The following PAQR5 variants were observed in gnomAD, a reference collection of about 807,000 sequenced individuals.
PAQR5 encodes progestin and adipoQ receptor family member 5, also known as membrane progestin receptor gamma.
Under a neutral mutation model 34.5 loss-of-function variants are expected in PAQR5, and 20 were observed. That is an observed-to-expected ratio of 0.58 (90% CI 0.41 to 0.84). The LOEUF (loss-of-function observed/expected upper bound fraction) is 0.84. Ranked by LOEUF, PAQR5 falls within the 40% of genes least tolerant of loss-of-function variation. The pLI is 0.00. For synonymous variants in PAQR5, 131 were observed against 155.6 expected, an observed-to-expected ratio of 0.84 and a Z score of 1.18; for missense variants, 378 against 412.7, an observed-to-expected ratio of 0.92 and a Z score of 0.73.
At chr15:69,377,582 C>T (rs1003912843) in intron 3 of PAQR5, among the ~76,000 whole-genome samples, 3 of 152,170 alleles carry the variant, frequency 2.0e-5, no homozygotes, top group Admixed American at 1.3e-4. Flanking sequence ...GCAGTTCAAC[C>T]CAGAACTGAA....
At chr15:69,361,797 A>G (rs565295299) in intron 3 of PAQR5, among the ~76,000 whole-genome samples, 1 of 152,306 alleles carries the variant, frequency 6.6e-6, no homozygotes, top group African/African-American at 2.4e-5. Context: ...GAATGGGGAC[A>G]CAGAGCCAAA....
intron 3 of PAQR5, among the ~76,000 whole-genome samples, chr15:69,378,961 C>T (rs1437206715): frequency 6.6e-6 from 1 of 152,102 alleles, no homozygotes; most frequent in Non-Finnish European, 1.5e-5. Context: ...AAATTGAGAA[C>T]CCTTGGTCTA....
At chr15:69,391,705 G>A (rs1260976030) in intron 6 of PAQR5, 7 of 455,896 alleles carry the variant, frequency 1.5e-5, no homozygotes, top group Non-Finnish European at 3.1e-5. Context: ...GACAGGGAGA[G>A]TACCACAGGT....
chr15:69,405,067 C>T lies in PAQR5; in HGVS notation c.*1245C>T, dbSNP rs1203376266. 8 of 398,412 alleles carry T rather than the reference C, an allele frequency of 2.0e-5. No individual in the cohort carries two copies. Among genetic ancestry groups the T allele is most frequent in the South Asian group, 1.3e-4 (1 of 7,858 alleles). The allele number at this position is 398,412 out of a possible 1,614,324, so 24.7% of individuals were successfully genotyped here. ...GGCGTAACCTCATTTTATGTTCCAGCGTTTTCTACTCTGAATAGTTCTAAA... is the reference window on the plus strand; with the variant it reads ...GGCGTAACCTCATTTTATGTTCCAGTGTTTTCTACTCTGAATAGTTCTAAA... On this transcript the variant is annotated 3_prime_UTR_variant, in exon 9 of 9. Transcript: ENST00000395407.
Position 69,404,861 on chromosome 15 carries a change from C to T in PAQR5, c.*1039C>T, listed in dbSNP as rs1326924212. 2.5e-6 allele frequency: 1 copy of T among 398,052 alleles called. No homozygotes were observed. The highest frequency in any genetic ancestry group is 4.4e-6 in the Non-Finnish European group (1 of 225,928). 24.7% of individuals were successfully genotyped at this position (398,052 alleles called of 1,614,324 possible). ...TAGGGAAAACCAGGGGGTTCTGCTTCACTAGGTTAAATGTAGGTTTTGTAG... is the reference window on the plus strand; with the variant it reads ...TAGGGAAAACCAGGGGGTTCTGCTTTACTAGGTTAAATGTAGGTTTTGTAG... On this transcript the variant is annotated 3_prime_UTR_variant, in exon 9 of 9. Transcript: ENST00000395407.
rs116376509 is a variant in PAQR5, at chr15:69,403,815, A to G, written c.986A>G (p.Glu329Gly). 3.2e-5 allele frequency: 52 copies of G among 1,613,794 alleles called. No homozygotes were observed. In the East Asian group the frequency reaches 1.2e-3, roughly 36 times the overall value. The change falls in exon 9 of 9, where the codon GAA (glutamate) becomes GGA (glycine). Residue 329 changes from glutamate (E) to glycine (G), a missense_variant. Glu to Gly is a moderately conservative substitution (Grantham distance 98, BLOSUM62 -2). Transcript: ENST00000395407. ...RIPKPELHKKET is the reference protein window; with the variant it reads ...RIPKPELHKKGT ...CCCAAGCCAGAATTACATAAAAAAG[A>G]AACATGACTCAGACCATAAGCTTTT...
intron 2 of PAQR5, among the ~76,000 whole-genome samples, chr15:69,353,347 T>G (rs2054975471): frequency 6.6e-6 from 1 of 152,248 alleles, no homozygotes; most frequent in Admixed American, 6.5e-5. Flanking sequence ...GTGATACTTC[T>G]GTCAAAACTA....
At chr15:69,312,393 A>C (rs932813689) in intron 1 of PAQR5, among the ~76,000 whole-genome samples, 1 of 152,070 alleles carries the variant, frequency 6.6e-6, no homozygotes. Flanking sequence ...ATTAGGTCCA[A>C]CTTGACTGTT....
intron 2 of PAQR5, among the ~76,000 whole-genome samples, chr15:69,346,174 C>T (rs773331765): frequency 3.3e-5 from 5 of 151,310 alleles, no homozygotes; most frequent in East Asian, 1.9e-4. Flanking sequence ...TGGATTATGA[C>T]GGAAAGAAGC....
chr15:69,318,721 T>C (rs183484214), intron 1 of PAQR5, among the ~76,000 whole-genome samples: 1 of 152,208 alleles, frequency 6.6e-6, no homozygotes. Flanking sequence ...CTAAACCTGG[T>C]ATATACTATG....
rs1019519410 is a variant in PAQR5 at position 69,397,758 on chromosome 15, T to A, written c.609+194T>A. ...CAGGTGGGACGAGAGACTGAGAAAA[T>A]AAATAAGAAGATTTTTCTTAGTACA... On this transcript the variant is annotated intron_variant, in intron 7 of 8. Transcript: ENST00000395407. 1.2e-5 allele frequency: 7 copies of A among 604,374 alleles called. No individual in the cohort carries two copies. The African/African-American group carries it at 1.3e-4, about 11-fold the overall frequency. 37.4% of individuals were successfully genotyped at this position (604,374 alleles called of 1,614,324 possible). A position where few individuals can be genotyped will look rare whatever the true frequency, so the allele number is the denominator to read the frequency against.
intron 5 of PAQR5, among the ~76,000 whole-genome samples, chr15:69,387,034 G>C (rs2056131355): frequency 6.6e-6 from 1 of 151,800 alleles, no homozygotes; most frequent in African/African-American, 2.4e-5. Flanking sequence ...CCTACCTGCT[G>C]TAAGCGGCAC....
At position 69,384,850 on chromosome 15, in the gene PAQR5, T is replaced by C; in HGVS notation, c.353T>C (p.Leu118Pro). ...SKNARHICYF[L>P]DYGAVNLFSL... ...AATGCCCGGCACATTTGCTACTTCC[T>C]GGACTATGGTGCCGTCAACCTCTTC... The change falls in exon 5 of 9, where the codon CTG becomes CCG. Residue 118 changes from leucine to proline, a missense_variant. Coordinates refer to ENST00000395407, the MANE Select transcript of PAQR5 (RefSeq NM_017705.4). The C allele has an allele frequency of 6.2e-7, 1 of 1,614,068 alleles. No homozygotes were observed. The highest frequency in any genetic ancestry group is 8.5e-7 in the Non-Finnish European group (1 of 1,179,964).
Position 69,385,014 on chromosome 15 carries a change from C to A in PAQR5, c.385+132C>A. On this transcript the variant is annotated intron_variant, in intron 5 of 8. Coordinates refer to ENST00000395407, the MANE Select transcript of PAQR5 (RefSeq NM_017705.4). This position sits in a 1 kb window ranked among gnomAD's most constrained non-coding sequence, Gnocchi z 4.7. ...CCAGGGATTATGCCAGTGCCCCTGT[C>A]CAGGTTCCCAATGGGTGTTTTATAA... 1 of 656,510 alleles carries A rather than the reference C, an allele frequency of 1.5e-6. No homozygotes were observed. The highest frequency in any genetic ancestry group is 2.7e-6 in the Non-Finnish European group (1 of 374,272). The allele number at this position is 656,510 out of a possible 1,614,324, so 40.7% of individuals were successfully genotyped here. A position where few individuals can be genotyped will look rare whatever the true frequency, so the allele number is the denominator to read the frequency against.
intron 1 of PAQR5, among the ~76,000 whole-genome samples, chr15:69,300,589 CCTT>C (rs2053516444): frequency 1.6e-5 from 1 of 63,794 alleles, no homozygotes; most frequent in Non-Finnish European, 3.7e-5. Context: ...TTCTTTCTTT[CCTT>C]CTTTCTTTCT....
intron 8 of PAQR5, among the ~76,000 whole-genome samples, chr15:69,403,049 T>C (rs113441433): frequency 6.6e-6 from 1 of 152,220 alleles, no homozygotes; most frequent in African/African-American, 2.4e-5. Flanking sequence ...CAACAGAAAA[T>C]TCAGCCAGCT....
chr15:69,404,129 T>C lies in PAQR5; in HGVS notation c.*307T>C. The C allele has an allele frequency of 3.4e-6, 1 of 297,452 alleles. No individual in the cohort carries two copies. The highest frequency in any genetic ancestry group is 6.4e-6 in the Non-Finnish European group (1 of 157,436). 18.4% of individuals were successfully genotyped at this position (297,452 alleles called of 1,614,324 possible). A position where few individuals can be genotyped will look rare whatever the true frequency, so the allele number is the denominator to read the frequency against. The stretch of plus-strand genomic sequence containing the variant: ...TTTAAATTCTATTTAAACATTTGGA[T>C]TAAGCATATTACTCTGGAGCTTTGT... On this transcript the variant is annotated 3_prime_UTR_variant, in exon 9 of 9. Transcript: ENST00000395407.
chr15:69,317,484 T>C (rs2053981822), intron 1 of PAQR5, among the ~76,000 whole-genome samples: 1 of 152,152 alleles, frequency 6.6e-6, no homozygotes, highest in South Asian at 2.1e-4. Flanking sequence ...GCAGCCTTCT[T>C]CCCTCTGCCA....
At chr15:69,304,621 T>A (rs34776089) in intron 1 of PAQR5, among the ~76,000 whole-genome samples, 70,053 of 151,880 alleles carry the variant, frequency 0.46, 18,938 homozygotes, top group Middle Eastern at 0.62. Context: ...TTACACAGTC[T>A]TCCTCTCTTC....
Sources: gnomAD v4.1 joint callset for allele counts (sites outside exome capture counted in the v4.1 genomes callset) on GRCh38, gnomAD v4.1.1 for gene constraint, Gnocchi (gnomAD v3.1) non-coding constraint, MANE v1.5 for transcripts, NCBI Gene and HGNC (gene_info 2026-07-23, HGNC 2026-07-21) for gene names.